The following MEMO1 variants were observed in gnomAD, a reference collection of about 807,000 sequenced individuals.
The protein encoded by MEMO1 is protein MEMO1.
In MEMO1, 6 loss-of-function variants were observed where a neutral mutation model predicts 45.2. That is an observed-to-expected ratio of 0.13 (90% confidence interval 0.07 to 0.26). MEMO1 has a LOEUF of 0.26. Ranked by LOEUF, MEMO1 falls within the 10% of genes least tolerant of loss-of-function variation. MEMO1 has a pLI of 1.00. For synonymous variants in MEMO1, 78 were observed against 124.3 expected (o/e 0.63, Z 2.48); for missense variants, 184 against 370.5 (o/e 0.50, Z 4.13).
chr2:31,900,579 T>C (rs762787764), intron 6 of MEMO1, among the ~76,000 whole-genome samples: 1 of 151,952 alleles, frequency 6.6e-6, no homozygotes, highest in Non-Finnish European at 1.5e-5. Flanking sequence ...ATATCTAATG[T>C]AGATGATGGG....
chr2:31,961,889 T>C (rs1668046828), intron 2 of MEMO1, among the ~76,000 whole-genome samples: 1 of 152,152 alleles, frequency 6.6e-6, no homozygotes, highest in African/African-American at 2.4e-5. Flanking sequence ...GTCACATGAC[T>C]AGTAAATGGC....
chr2:31,937,740 A>G (rs2148290500), intron 3 of MEMO1, among the ~76,000 whole-genome samples: 1 of 152,346 alleles, frequency 6.6e-6, no homozygotes, highest in Middle Eastern at 3.4e-3. Flanking sequence ...AGGTTAACTA[A>G]TATCAAGTAT....
intron 6 of MEMO1, among the ~76,000 whole-genome samples, chr2:31,907,503 T>G (rs1221685236): frequency 6.6e-6 from 1 of 152,164 alleles, no homozygotes; most frequent in Non-Finnish European, 1.5e-5. Flanking sequence ...TTATAAAACA[T>G]AACTAGTAAG....
chr2:31,942,033 A>C (rs186327552), intron 3 of MEMO1, among the ~76,000 whole-genome samples: 90 of 152,372 alleles, frequency 5.9e-4, no homozygotes, highest in African/African-American at 1.9e-3. Flanking sequence ...AATGGCACAG[A>C]GTAAACCTTC....
intron 7 of MEMO1, among the ~76,000 whole-genome samples, chr2:31,888,774 G>A (rs1268047001): frequency 6.6e-6 from 1 of 151,992 alleles, no homozygotes; most frequent in Non-Finnish European, 1.5e-5. Context: ...TAAAAGGCAG[G>A]AACTGAAATG....
rs76850690 is a variant in MEMO1, at chr2:31,869,954, T to TAA, written c.658-4_658-3dup. 1.4e-3 allele frequency: 1,588 copies of TAA among 1,164,938 alleles called. No homozygotes were observed. Among genetic ancestry groups the TAA allele is most frequent in the South Asian group, 2.5e-3 (109 of 44,014 alleles). The allele number at this position is 1,164,938 out of a possible 1,614,324, so 72.2% of individuals were successfully genotyped here. On this transcript the variant is annotated splice_region_variant and splice_polypyrimidine_tract_variant and intron_variant, in intron 8 of 9. Transcript: ENST00000404530. ...TAATTGTTCTATAATACTCATACCC[T>TAA]AAAAAAAAAAAAAAAGAAGAGGAAG...
At chr2:31,933,047 AACT>A (rs1664374340) in intron 3 of MEMO1, among the ~76,000 whole-genome samples, 1 of 152,082 alleles carries the variant, frequency 6.6e-6, no homozygotes, top group Non-Finnish European at 1.5e-5. Flanking sequence ...AAAAGAAGTG[AACT>A]ACTGACACTC....
At chr2:32,007,306 C>T (rs1347978161) in intron 2 of MEMO1, among the ~76,000 whole-genome samples, 1 of 152,190 alleles carries the variant, frequency 6.6e-6, no homozygotes, top group Non-Finnish European at 1.5e-5. Flanking sequence ...TCCTTCAAAG[C>T]ATAATTCAAA....
chr2:31,970,310 A>G (rs547471565), intron 2 of MEMO1, among the ~76,000 whole-genome samples: 6 of 152,252 alleles, frequency 3.9e-5, no homozygotes, highest in African/African-American at 1.4e-4. Context: ...CCAGAGGGAC[A>G]ATTCTGCCCC....
intron 8 of MEMO1, among the ~76,000 whole-genome samples, chr2:31,874,024 A>C (rs893856305): frequency 6.6e-6 from 1 of 152,124 alleles, no homozygotes; most frequent in Non-Finnish European, 1.5e-5. Context: ...AACAGTAGGA[A>C]GGAAGAAAAG....
intron 2 of MEMO1, among the ~76,000 whole-genome samples, chr2:31,951,181 ATGT>A (rs1226424115): frequency 6.6e-6 from 1 of 152,204 alleles, no homozygotes; most frequent in Non-Finnish European, 1.5e-5. Context: ...CAAAGGGGTG[ATGT>A]TGTGTAGTCA....
intron 2 of MEMO1, among the ~76,000 whole-genome samples, chr2:31,950,872 C>T (rs931013543): frequency 1.1e-3 from 162 of 152,270 alleles, no homozygotes; most frequent in African/African-American, 3.7e-3. Flanking sequence ...CCTCAACATT[C>T]ACAATCTGAT....
chr2:31,990,571 C>A (rs558205632), intron 2 of MEMO1, among the ~76,000 whole-genome samples: 1 of 119,998 alleles, frequency 8.3e-6, no homozygotes, highest in African/African-American at 3.1e-5. Flanking sequence ...AATTTTTTTT[C>A]TTTTTTTTTT....
intron 4 of MEMO1, among the ~76,000 whole-genome samples, chr2:31,930,811 A>ATTTTTTTTTTTTTTTTTT (rs376524077): frequency 2.6e-4 from 33 of 126,092 alleles, no homozygotes; most frequent in African/African-American, 4.4e-4. Context: ...ACGCCTGGCA[A>ATTTTTTTTTTTTTTTTTT]TTTTTTTTTT....
At chr2:31,909,657 A>C (rs912228905) in intron 6 of MEMO1, among the ~76,000 whole-genome samples, 3 of 152,228 alleles carry the variant, frequency 2.0e-5, no homozygotes, top group Admixed American at 2.0e-4. Context: ...GGATTGGAAG[A>C]ATTAATATTG....
intron 3 of MEMO1, among the ~76,000 whole-genome samples, chr2:31,933,317 T>C (rs868170074): frequency 4.1e-5 from 1 of 24,110 alleles, no homozygotes; most frequent in African/African-American, 1.8e-4. Flanking sequence ...ACCACCTCTT[T>C]AAAAAAAAAA....
intron 3 of MEMO1, among the ~76,000 whole-genome samples, chr2:31,941,316 A>T (rs1457106269): frequency 6.6e-6 from 1 of 152,150 alleles, no homozygotes; most frequent in Admixed American, 6.6e-5. Flanking sequence ...TCCCTCAGCT[A>T]TCTGCACAGC....
intron 2 of MEMO1, among the ~76,000 whole-genome samples, chr2:31,985,441 T>C (rs1344682346): frequency 1.3e-5 from 2 of 152,204 alleles, no homozygotes; most frequent in African/African-American, 4.8e-5. Flanking sequence ...TTCTCCTGCC[T>C]CAGCCTCCAG....
chr2:31,987,281 G>A (rs1166199322), intron 2 of MEMO1, among the ~76,000 whole-genome samples: 5 of 152,168 alleles, frequency 3.3e-5, no homozygotes, highest in African/African-American at 4.8e-5. Flanking sequence ...TTACAGGTGT[G>A]AGCCACCTTG....
Sources: gnomAD v4.1 joint callset for allele counts (sites outside exome capture counted in the v4.1 genomes callset) on GRCh38, gnomAD v4.1.1 for gene constraint, MANE v1.5 for transcripts, NCBI Gene and HGNC (gene_info 2026-07-23, HGNC 2026-07-21) for gene names.